The following ZNF385D variants were observed in gnomAD, a reference collection of about 807,000 sequenced individuals.
ZNF385D encodes zinc finger protein 385D, also known as zinc finger protein 659.
Under a neutral mutation model 35.8 loss-of-function variants are expected in ZNF385D, and 15 were observed. The ratio of observed to expected loss-of-function variants is 0.42; its 90% confidence interval spans 0.28 to 0.64. ZNF385D has a LOEUF of 0.64. Among genes scored for constraint, ZNF385D ranks in the 30% least tolerant of loss-of-function variants. ZNF385D has a pLI of 0.23. For missense variants in ZNF385D, 474 were observed against 494.6 expected (o/e 0.96, Z 0.39); for synonymous variants, 212 against 186.8 (o/e 1.13, Z -1.10).
intron 4 of ZNF385D, among the ~76,000 whole-genome samples, chr3:21,508,680 T>C (rs142232456): frequency 6.6e-6 from 1 of 152,308 alleles, no homozygotes; most frequent in African/African-American, 2.4e-5. Context: ...TTACTGTAAC[T>C]AAGCATTAAG....
chr3:22,169,431 A>C (rs1296940788), intron 2 of ZNF385D, among the ~76,000 whole-genome samples: 1 of 152,222 alleles, frequency 6.6e-6, no homozygotes, highest in East Asian at 1.9e-4. Context: ...CTCTAAATCC[A>C]AAGTTTTTAA....
chr3:22,232,620 C>G (rs574483912), intron 2 of ZNF385D, among the ~76,000 whole-genome samples: 1 of 152,060 alleles, frequency 6.6e-6, no homozygotes, highest in Admixed American at 6.6e-5. Flanking sequence ...CTCCCACTTA[C>G]GAGTGAGAAC....
intron 2 of ZNF385D, among the ~76,000 whole-genome samples, chr3:21,612,692 G>A (rs977906494): frequency 6.6e-6 from 1 of 152,174 alleles, no homozygotes; most frequent in Non-Finnish European, 1.5e-5. Context: ...GAACTCAAAA[G>A]ACATCTATCC....
chr3:21,776,209 T>A (rs567802575), intron 3 of ZNF385D, among the ~76,000 whole-genome samples: 2 of 152,030 alleles, frequency 1.3e-5, no homozygotes, highest in East Asian at 3.9e-4. Flanking sequence ...TTGTTAAATA[T>A]AGAATGGCAA....
intron 3 of ZNF385D, among the ~76,000 whole-genome samples, chr3:21,519,403 G>A (rs1707778213): frequency 6.6e-6 from 1 of 152,152 alleles, no homozygotes; most frequent in South Asian, 2.1e-4. Context: ...GGTATTTAAT[G>A]TTTTCAAGTA....
intron 3 of ZNF385D, among the ~76,000 whole-genome samples, chr3:21,795,249 A>G (rs1460996566): frequency 6.6e-6 from 1 of 152,216 alleles, no homozygotes; most frequent in Non-Finnish European, 1.5e-5. Context: ...TTATGTACAC[A>G]GTTGCTGTAG....
chr3:21,564,794 C>T (rs1237361110), intron 2 of ZNF385D, 110 bp from the exon 3 acceptor site: 5 of 479,384 alleles, frequency 1.0e-5, no homozygotes, highest in South Asian at 6.5e-5. Context: ...ATCTACTGCT[C>T]ACATTATAAA....
chr3:22,012,250 T>C (rs1376399132), intron 3 of ZNF385D, among the ~76,000 whole-genome samples: 1 of 152,192 alleles, frequency 6.6e-6, no homozygotes. Context: ...CATAATGTCT[T>C]ATATTTACAA....
intron 3 of ZNF385D, among the ~76,000 whole-genome samples, chr3:21,519,227 G>A (rs1375688647): frequency 6.6e-6 from 1 of 152,132 alleles, no homozygotes; most frequent in Admixed American, 6.6e-5. Flanking sequence ...AGAAGAGGAA[G>A]AGAAGCATGT....
intron 3 of ZNF385D, among the ~76,000 whole-genome samples, chr3:21,977,014 C>A (rs923192453): frequency 2.0e-5 from 3 of 148,968 alleles, no homozygotes; most frequent in Non-Finnish European, 3.0e-5. Context: ...TAATAATAAA[C>A]CACTGCTACA....
intron 3 of ZNF385D, among the ~76,000 whole-genome samples, chr3:21,849,437 T>C (rs1696232293): frequency 6.6e-6 from 1 of 152,042 alleles, no homozygotes; most frequent in Non-Finnish European, 1.5e-5. Flanking sequence ...ATATTCCACA[T>C]GTCCTTTCTC....
chr3:22,239,368 C>G (rs1699364555), intron 2 of ZNF385D, among the ~76,000 whole-genome samples: 1 of 150,928 alleles, frequency 6.6e-6, no homozygotes. Context: ...ACTATCTATT[C>G]CTTTGTAGAA....
intron 1 of ZNF385D, among the ~76,000 whole-genome samples, chr3:21,707,461 T>C (rs749673132): frequency 1.1e-4 from 16 of 152,306 alleles, no homozygotes; most frequent in Non-Finnish European, 1.8e-4. Flanking sequence ...GCAGATCAAA[T>C]TTTAGACAGA....
At chr3:21,754,063 C>T (rs559167355), upstream of ZNF385D, among the ~76,000 whole-genome samples, 85 of 152,280 alleles carry the variant, frequency 5.6e-4, no homozygotes, top group African/African-American at 1.8e-3. Context: ...TGTATATATG[C>T]GACATCTTTG....
Position 21,914,371 on chromosome 3 carries a change from TTTTG to T in ZNF385D, c.326-249347_326-249344del, listed in dbSNP as rs1700096859. On this transcript the variant is annotated intron_variant, in intron 3 of 5. Transcript: ENST00000494108. ...CTCTAACCCATCTTCTGTTCAGTGC[TTTTG>T]TTTGACTTTTTTTTTTTTTTTTTTG... Among the ~76,000 whole-genome samples the T allele has an allele frequency of 2.7e-5, 3 of 112,916 alleles. No homozygotes were observed. The East Asian group carries it at 8.5e-4, about 32-fold the overall frequency. 74.1% of individuals were successfully genotyped at this position (112,916 alleles called of 152,430 possible). A position where few individuals can be genotyped will look rare whatever the true frequency, so the allele number is the denominator to read the frequency against.
chr3:21,608,012 C>CTTTTTTTTTTTTTTTTTTTTTT (rs368555930), intron 2 of ZNF385D, among the ~76,000 whole-genome samples: 26 of 123,964 alleles, frequency 2.1e-4, no homozygotes, highest in African/African-American at 7.5e-4. Context: ...TCTTTTTCTT[C>CTTTTTTTTTTTTTTTTTTTTTT]TTTTTTTTTT....
At chr3:22,337,246 GC>G (rs1303553679) in intron 2 of ZNF385D, among the ~76,000 whole-genome samples, 2 of 151,856 alleles carry the variant, frequency 1.3e-5, no homozygotes, top group East Asian at 3.9e-4. Context: ...CAGTTAAGAT[GC>G]TTGGCCGGAT....
chr3:22,338,698 ATTTTTTT>A (rs562729331), intron 2 of ZNF385D, among the ~76,000 whole-genome samples: 1 of 125,434 alleles, frequency 8.0e-6, no homozygotes, highest in South Asian at 2.6e-4. Context: ...TATTCATCTC[ATTTTTTT>A]TTTTTTTTTT....
At chr3:22,267,321 G>T (rs2125355328) in intron 2 of ZNF385D, among the ~76,000 whole-genome samples, 1 of 151,732 alleles carries the variant, frequency 6.6e-6, no homozygotes, top group Admixed American at 6.6e-5. Flanking sequence ...CATAACCTAA[G>T]ACAATAAACC....
Sources: gnomAD v4.1 joint callset for allele counts (sites outside exome capture counted in the v4.1 genomes callset) on GRCh38, gnomAD v4.1.1 for gene constraint, MANE v1.5 for transcripts, NCBI Gene and HGNC (gene_info 2026-07-23, HGNC 2026-07-21) for gene names.